Variants in KCNMA1 observed in about 807,000 individuals in gnomAD.
KCNMA1 encodes the protein Calcium-activated potassium channel subunit alpha-1.
A neutral mutation model predicts 140.0 loss-of-function variants in KCNMA1; 29 were observed. The ratio of observed to expected loss-of-function variants is 0.21; its 90% CI spans 0.15 to 0.28. The LOEUF (loss-of-function observed/expected upper bound fraction) is 0.28. KCNMA1 is among the 10% of genes least tolerant of loss of function. The probability of loss-of-function intolerance (pLI) is 1.00; values close to 1 mark genes in which losing one functional copy is unlikely to be tolerated. For missense variants in KCNMA1, 880 were observed against 1,602.2 expected (o/e 0.55, Z 7.70); for synonymous variants, 612 against 611.9 (o/e 1.00, Z 0.00).
chr10:77,634,484 C>T (rs1054225768), intron 1 of KCNMA1: 13 of 985,330 alleles, frequency 1.3e-5, no homozygotes, highest in African/African-American at 1.0e-4. Flanking sequence ...AGGTTTGGTG[C>T]GATCCCAGAG....
chr10:77,281,253 G>T (rs1184366016), intron 2 of KCNMA1, among the ~76,000 whole-genome samples: 1 of 152,126 alleles, frequency 6.6e-6, no homozygotes, highest in Non-Finnish European at 1.5e-5. Flanking sequence ...CCAAAGGACT[G>T]CCCTTAGGAA....
intron 2 of KCNMA1, among the ~76,000 whole-genome samples, chr10:77,296,742 C>T (rs1415585306): frequency 6.6e-6 from 1 of 152,086 alleles, no homozygotes; most frequent in East Asian, 1.9e-4. Context: ...TGGCAGCCAT[C>T]TGGCCTCATC....
chr10:77,553,414 C>T (rs1228004268), intron 1 of KCNMA1, among the ~76,000 whole-genome samples: 28 of 152,158 alleles, frequency 1.8e-4, no homozygotes, highest in South Asian at 2.1e-4. Context: ...AGGAACCAGG[C>T]GCCGTTGACA....
chr10:77,308,348 C>T (rs2078335812), intron 2 of KCNMA1, among the ~76,000 whole-genome samples: 1 of 152,204 alleles, frequency 6.6e-6, no homozygotes. Context: ...AGCTGAGTGC[C>T]ATGCTGAGCA....
intron 1 of KCNMA1, among the ~76,000 whole-genome samples, chr10:77,522,528 G>A (rs908532895): frequency 1.3e-5 from 2 of 152,160 alleles, no homozygotes; most frequent in Non-Finnish European, 2.9e-5. Context: ...AGGCAAGCTG[G>A]ATCCCTGCTC....
At chr10:77,596,721 T>C (rs1165974116) in intron 1 of KCNMA1, among the ~76,000 whole-genome samples, 1 of 152,242 alleles carries the variant, frequency 6.6e-6, no homozygotes, top group Non-Finnish European at 1.5e-5. Flanking sequence ...TATGGAAAAT[T>C]AGCCATAATG....
chr10:77,588,541 G>C (rs1175502937), intron 1 of KCNMA1, among the ~76,000 whole-genome samples: 1 of 152,150 alleles, frequency 6.6e-6, no homozygotes, highest in Non-Finnish European at 1.5e-5. Context: ...GGAATGGCAG[G>C]GCCATGAGAG....
At chr10:77,200,837 A>T (rs77287417) in intron 3 of KCNMA1, among the ~76,000 whole-genome samples, 11,291 of 152,258 alleles carry the variant, frequency 0.074, 587 homozygotes, top group Non-Finnish European at 0.11. Flanking sequence ...TATACATGTG[A>T]TCACACCCAG....
chr10:77,261,099 A>G (rs184725022), intron 2 of KCNMA1, among the ~76,000 whole-genome samples: 102 of 152,196 alleles, frequency 6.7e-4, no homozygotes, highest in Admixed American at 1.8e-3. Flanking sequence ...TTTATTAACC[A>G]CCTGCATGCC....
At chr10:77,495,071 A>G (rs1475581741) in intron 1 of KCNMA1, among the ~76,000 whole-genome samples, 1 of 152,226 alleles carries the variant, frequency 6.6e-6, no homozygotes, top group East Asian at 1.9e-4. Context: ...ATAAGGTCAC[A>G]TTCACAGGTA....
At chr10:77,260,923 A>C (rs1434927020) in intron 2 of KCNMA1, among the ~76,000 whole-genome samples, 1 of 152,202 alleles carries the variant, frequency 6.6e-6, no homozygotes. Flanking sequence ...GGAGAGGCAT[A>C]AAATAATGGA....
At chr10:77,274,385 A>G (rs1369672302) in intron 2 of KCNMA1, among the ~76,000 whole-genome samples, 1 of 152,216 alleles carries the variant, frequency 6.6e-6, no homozygotes, top group East Asian at 1.9e-4. Context: ...TCCTACAGAC[A>G]TGTTTATTTA....
chr10:77,302,793 T>C (rs1433215668), intron 2 of KCNMA1, among the ~76,000 whole-genome samples: 2 of 151,750 alleles, frequency 1.3e-5, no homozygotes, highest in East Asian at 1.9e-4. Context: ...TAAAAACCAA[T>C]TGGGGAAGGG....
In KCNMA1 at chr10:76,950,004, A is replaced by G. The variant is rs1300861647; in HGVS notation, c.2485-638T>C. Among the ~76,000 whole-genome samples, 6 of 152,142 alleles carry G rather than the reference A, an allele frequency of 3.9e-5. No individual in the cohort carries two copies. In the East Asian group the frequency reaches 9.7e-4, roughly 25 times the overall value. ...TTGTTTTTGTGCTTCAAAATGGTTG[A>G]AAAAAAATCAAAAGAAGACAATGTC... is the stretch of plus-strand genomic sequence containing the variant. On this transcript the variant is annotated intron_variant, in intron 21 of 27. Coordinates refer to ENST00000286628, the MANE Select transcript of KCNMA1 (RefSeq NM_001161352.2).
chr10:76,991,043 T>C (rs1431864298), intron 19 of KCNMA1, among the ~76,000 whole-genome samples: 1 of 152,144 alleles, frequency 6.6e-6, no homozygotes, highest in Non-Finnish European at 1.5e-5. Flanking sequence ...AGAGTCAAAT[T>C]ACCCTGACCG....
chr10:77,110,083 A>G (rs769250065), intron 8 of KCNMA1, 90 bp downstream of exon 8: 2 of 1,137,404 alleles, frequency 1.8e-6, no homozygotes, highest in Non-Finnish European at 2.7e-6. Context: ...AGTGCAGAAT[A>G]CAGTCTAAAA....
rs144296701 is a variant in KCNMA1, at chr10:77,555,578, A to T, written c.378+81687T>A. ...ACTGTTTTACTAGTTCAGCCGACTT[A>T]GAAAAACAAAAAGAGCTTCTCACAG... On this transcript the variant is annotated intron_variant, in intron 1 of 27. Transcript: ENST00000286628. Among the ~76,000 whole-genome samples the T allele has an allele frequency of 3.9e-5, 6 of 152,352 alleles. 1 individual carries two copies. Among genetic ancestry groups the T allele is most frequent in the African/African-American group, 1.4e-4 (6 of 41,596 alleles).
chr10:77,230,017 T>C (rs1244885575), intron 3 of KCNMA1, among the ~76,000 whole-genome samples: 2 of 152,138 alleles, frequency 1.3e-5, no homozygotes, highest in African/African-American at 2.4e-5. Context: ...TTATTCACAA[T>C]AGCCAAAAGG....
At chr10:77,637,137 G>A (rs1485847546) in intron 1 of KCNMA1, 128 bp downstream of exon 1, 3 of 1,249,224 alleles carry the variant, frequency 2.4e-6, no homozygotes, top group African/African-American at 3.0e-5. Flanking sequence ...GGAAGGGAAG[G>A]CGGCGAGGGG....
Sources: allele counts gnomAD v4.1 joint callset (sites outside exome capture counted in the v4.1 genomes callset), GRCh38; gene constraint gnomAD v4.1.1; transcripts MANE v1.5; gene names NCBI Gene and HGNC (gene_info 2026-07-23, HGNC 2026-07-21).